DOCK4: variants seen among roughly 807,000 people sequenced by gnomAD.
DOCK4 encodes the protein dedicator of cytokinesis 4, also known as dedicator of cytokinesis protein 4.
A neutral mutation model predicts 268.1 loss-of-function variants in DOCK4; 97 were observed. The ratio of observed to expected loss-of-function variants is 0.36; its 90% CI spans 0.31 to 0.43. DOCK4 has a LOEUF of 0.43. Among genes scored for constraint, DOCK4 ranks in the 20% least tolerant of loss-of-function variants. The probability of loss-of-function intolerance (pLI) is 1.00; values close to 1 mark genes in which losing one functional copy is unlikely to be tolerated. For missense variants in DOCK4, 2,145 were observed against 2,455.7 expected (o/e 0.87, Z 2.67); for synonymous variants, 954 against 887.2 (o/e 1.08, Z -1.34).
chr7:111,778,471 G>T (rs146904746), intron 35 of DOCK4, 102 bp from the exon 36 acceptor site: 3 of 607,886 alleles, frequency 4.9e-6, no homozygotes, highest in East Asian at 6.1e-5. Flanking sequence ...CCAAGAGAAC[G>T]GATTCATTTT....
chr7:111,950,511 C>A (rs1286777987), intron 8 of DOCK4, among the ~76,000 whole-genome samples: 2 of 152,130 alleles, frequency 1.3e-5, no homozygotes, highest in African/African-American at 4.8e-5. Context: ...AATACAGGCC[C>A]ATGAGTATTA....
chr7:111,844,073 G>A (rs1007033437), intron 25 of DOCK4, among the ~76,000 whole-genome samples: 2 of 152,124 alleles, frequency 1.3e-5, no homozygotes. Flanking sequence ...TCAGGAGCTC[G>A]AGATCAGCCT....
intron 8 of DOCK4, among the ~76,000 whole-genome samples, chr7:111,949,295 T>C (rs1482067232): frequency 6.6e-6 from 1 of 152,192 alleles, no homozygotes; most frequent in African/African-American, 2.4e-5. Context: ...GCATTTTCAA[T>C]ATTAAAACCT....
At chr7:112,043,405 A>G (rs1313413645) in intron 1 of DOCK4, among the ~76,000 whole-genome samples, 2 of 152,228 alleles carry the variant, frequency 1.3e-5, no homozygotes, top group Middle Eastern at 3.2e-3. Flanking sequence ...TTAGTACACA[A>G]TGATGAATTA....
intron 25 of DOCK4, among the ~76,000 whole-genome samples, chr7:111,844,227 G>A (rs1803917362): frequency 6.6e-6 from 1 of 152,180 alleles, no homozygotes; most frequent in Admixed American, 6.5e-5. Context: ...AGTAAGCCAA[G>A]ATCACACACT....
intron 32 of DOCK4, 65 bp downstream of exon 32, chr7:111,788,597 A>T (rs1432418215): frequency 1.2e-5 from 16 of 1,341,434 alleles, no homozygotes; most frequent in Non-Finnish European, 1.6e-5. Context: ...CGTGGTGCAG[A>T]GAGGCTCAGT....
At chr7:112,142,335 T>A (rs909915648) in intron 1 of DOCK4, among the ~76,000 whole-genome samples, 1 of 152,148 alleles carries the variant, frequency 6.6e-6, no homozygotes, top group Non-Finnish European at 1.5e-5. Flanking sequence ...CACTATTGTA[T>A]GTTAGGCTTG....
At chr7:111,814,268 C>T (rs1393013469) in intron 27 of DOCK4, among the ~76,000 whole-genome samples, 1 of 152,194 alleles carries the variant, frequency 6.6e-6, no homozygotes, top group Non-Finnish European at 1.5e-5. Flanking sequence ...TTGAAGTACA[C>T]TTGCTGGTAA....
chr7:112,141,484 A>C (rs989324087), intron 1 of DOCK4, among the ~76,000 whole-genome samples: 24 of 152,172 alleles, frequency 1.6e-4, no homozygotes, highest in Non-Finnish European at 3.5e-4. Flanking sequence ...GGCCTCATCC[A>C]ATCAGTTGAA....
At chr7:111,841,013 T>C (rs1218770836) in intron 25 of DOCK4, 1 of 407,238 alleles carries the variant, frequency 2.5e-6, no homozygotes, top group Non-Finnish European at 4.7e-6. Flanking sequence ...ACAATCATGA[T>C]ATGACTGTGA....
intron 22 of DOCK4, among the ~76,000 whole-genome samples, chr7:111,866,984 C>A (rs1033402133): frequency 6.6e-6 from 1 of 152,116 alleles, no homozygotes; most frequent in African/African-American, 2.4e-5. Context: ...TGGCAAGTTC[C>A]CATAGTGCAG....
At chr7:112,158,681 G>T (rs1368707478) in intron 1 of DOCK4, among the ~76,000 whole-genome samples, 1 of 152,124 alleles carries the variant, frequency 6.6e-6, no homozygotes, top group Non-Finnish European at 1.5e-5. Context: ...AAATTTCAAA[G>T]AAACTATCAC....
intron 41 of DOCK4, 98 bp downstream of exon 41, chr7:111,758,526 A>G: frequency 7.4e-7 from 1 of 1,348,052 alleles, no homozygotes; most frequent in Non-Finnish European, 1.0e-6. Context: ...TGTTTCTGTC[A>G]CTTGACACTA....
At chr7:112,148,899 C>T (rs972771743) in intron 1 of DOCK4, among the ~76,000 whole-genome samples, 2 of 152,128 alleles carry the variant, frequency 1.3e-5, no homozygotes, top group Non-Finnish European at 2.9e-5. Flanking sequence ...AAAGAGGTAA[C>T]ATGAACCCCA....
intron 1 of DOCK4, among the ~76,000 whole-genome samples, chr7:112,006,935 ACAAATTCT>A (rs1375703022): frequency 3.9e-5 from 6 of 152,284 alleles, no homozygotes; most frequent in Middle Eastern, 3.4e-3. Flanking sequence ...TCAGCCACAC[ACAAATTCT>A]CATTAAGCTT....
chr7:111,803,541 A>T (rs17158828), intron 30 of DOCK4, among the ~76,000 whole-genome samples: 30,608 of 152,080 alleles, frequency 0.2, 3,602 homozygotes, highest in East Asian at 0.52. Flanking sequence ...CAGTTACAAG[A>T]CACTGTGTTT....
intron 8 of DOCK4, chr7:111,971,332 C>A: frequency 5.8e-6 from 1 of 173,898 alleles, no homozygotes; most frequent in Non-Finnish European, 1.2e-5. Flanking sequence ...GTCATCGTAT[C>A]TATTGTTGTA....
rs1585895228 is a variant in DOCK4, at chr7:111,758,852, G to A, written c.4163-62C>T. ...CAAACTCCATGGAAGTCTGGCTTGG[G>A]CTGAGCTATGGCAGAGAGAAGAGGA... On this transcript the variant is annotated intron_variant, in intron 40 of 52. Transcript: ENST00000428084. The A allele has an allele frequency of 8.0e-6, 12 of 1,507,776 alleles. No individual in the cohort carries two copies. The East Asian group carries it at 1.6e-4, about 20-fold the overall frequency. The allele number at this position is 1,507,776 out of a possible 1,614,324, so 93.4% of individuals were successfully genotyped here. A position where few individuals can be genotyped will look rare whatever the true frequency, so the allele number is the denominator to read the frequency against.
At chr7:112,151,754 A>G (rs908421097) in intron 1 of DOCK4, among the ~76,000 whole-genome samples, 2 of 137,900 alleles carry the variant, frequency 1.5e-5, no homozygotes, top group African/African-American at 5.3e-5. Flanking sequence ...AGCAAGAAGT[A>G]GAGATGTGGA....
Sources: allele counts gnomAD v4.1 joint callset (sites outside exome capture counted in the v4.1 genomes callset), GRCh38; gene constraint gnomAD v4.1.1; transcripts MANE v1.5; gene names NCBI Gene and HGNC (gene_info 2026-07-23, HGNC 2026-07-21).